Variants in SLC9A1 observed in about 807,000 individuals in gnomAD.
SLC9A1 encodes the protein sodium/hydrogen exchanger 1.
A neutral mutation model predicts 67.9 loss-of-function variants in SLC9A1; 22 were observed. The observed-to-expected ratio is 0.32, with a 90% CI of 0.23 to 0.46. The LOEUF is 0.46. Ranked by LOEUF, SLC9A1 falls within the 20% of genes least tolerant of loss-of-function variation. The pLI is 1.00. For synonymous variants in SLC9A1, 421 were observed against 471.8 expected (o/e 0.89, Z 1.40); for missense variants, 686 against 1,094.8 (o/e 0.63, Z 5.27).
intron 1 of SLC9A1, among the ~76,000 whole-genome samples, chr1:27,123,049 A>G (rs1485767768): frequency 6.6e-6 from 1 of 152,174 alleles, no homozygotes; most frequent in Non-Finnish European, 1.5e-5. Context: ...GGGCAGGGGT[A>G]GGACCTCAAG....
chr1:27,107,181 A>ACACC (rs1324728693), intron 4 of SLC9A1, among the ~76,000 whole-genome samples: 1 of 1,036 alleles, frequency 9.7e-4, no homozygotes, highest in Non-Finnish European at 1.8e-3. Context: ...CCACACCCTC[A>ACACC]CAGCCCCTCC....
rs202060037 is a variant in SLC9A1 at position 27,102,480 on chromosome 1, G to C, written c.1725C>G (p.Ala575=). ...GERSKEPQLI[A]FYHKMEMKQA... ...GCTTCATCTCCATCTTGTGGTAGAA[G>C]GCAATGAGCTGGGGCTCCTTGGAGC... is the stretch of plus-strand genomic sequence containing the variant. The change falls in exon 8 of 12, where the codon GCC becomes GCG. Residue 575 remains alanine, a synonymous_variant. Coordinates refer to ENST00000263980, the MANE Select transcript of SLC9A1 (RefSeq NM_003047.5). 301 of 1,611,388 alleles carry C rather than the reference G, an allele frequency of 1.9e-4. 3 individuals are homozygous for C. The highest frequency in any genetic ancestry group is 7.0e-5 in the Non-Finnish European group (82 of 1,178,158).
At chr1:27,123,528 A>T (rs1361493574) in intron 1 of SLC9A1, among the ~76,000 whole-genome samples, 2 of 151,342 alleles carry the variant, frequency 1.3e-5, no homozygotes, top group African/African-American at 4.9e-5. Context: ...TTTTAGACAG[A>T]GTCTCGCTCT....
At position 27,106,678 on chromosome 1, in the gene SLC9A1, G is replaced by A. The variant is rs986070692; in HGVS notation, c.1283-591C>T. Among the ~76,000 whole-genome samples, 2 of 152,072 alleles carry A rather than the reference G, an allele frequency of 1.3e-5. No homozygotes were observed. The highest frequency in any genetic ancestry group is 4.8e-5 in the African/African-American group (2 of 41,374). On this transcript the variant is annotated intron_variant, in intron 4 of 11. Coordinates refer to ENST00000263980, the MANE Select transcript of SLC9A1 (RefSeq NM_003047.5). This position sits in a 1 kb window ranked among gnomAD's most constrained non-coding sequence, Gnocchi z 4.3. ...ACTGAGGCACTGGGGTGAGGCATGTGGGGCACATGTGAGTGGAACCCATGC... is the reference window on the plus strand; with the variant it reads ...ACTGAGGCACTGGGGTGAGGCATGTAGGGCACATGTGAGTGGAACCCATGC...
In SLC9A1 at chr1:27,108,872, C is replaced by T. The variant is rs545453106; in HGVS notation, c.1064+655G>A. On this transcript the variant is annotated intron_variant, in intron 3 of 11. Transcript: ENST00000263980. ...GTCTCCTGGGTTCATTCCCCTCAAG[C>T]GTGGCATCTGCCATTACACAGGGGT... Among the ~76,000 whole-genome samples the T allele has an allele frequency of 1.4e-4, 21 of 152,268 alleles. No homozygotes were observed. The South Asian group carries it at 3.7e-3, about 27-fold the overall frequency.
Position 27,118,564 on chromosome 1 carries a change from C to G in SLC9A1, c.353-4278G>C, listed in dbSNP as rs2083286173. ...GGGGCACAGAAGGATGGCTGCGGCC[C>G]CTGGTACCCTGACAAAAGCCCTGCA... On this transcript the variant is annotated intron_variant, in intron 1 of 11. Coordinates refer to ENST00000263980, the MANE Select transcript of SLC9A1 (RefSeq NM_003047.5). The surrounding 1 kb of genome is among the most constrained non-coding windows in gnomAD (Gnocchi z 4.3). 6.6e-6 allele frequency among the ~76,000 whole-genome samples: 1 copy of G among 152,146 alleles called. No individual in the cohort carries two copies. Among genetic ancestry groups the G allele is most frequent in the Non-Finnish European group, 1.5e-5 (1 of 68,020 alleles).
intron 1 of SLC9A1, among the ~76,000 whole-genome samples, chr1:27,133,226 C>T (rs2083397820): frequency 6.6e-6 from 1 of 152,112 alleles, no homozygotes; most frequent in Non-Finnish European, 1.5e-5. Flanking sequence ...CACCACCACG[C>T]CCGGCTAATT....
At chr1:27,147,997 A>G (rs1300796899) in intron 1 of SLC9A1, among the ~76,000 whole-genome samples, 2 of 149,106 alleles carry the variant, frequency 1.3e-5, no homozygotes, top group African/African-American at 2.4e-5. Context: ...TCTTGTATCA[A>G]AAAAAAAAAG....
intron 1 of SLC9A1, among the ~76,000 whole-genome samples, chr1:27,147,899 CAGG>C (rs1308426557): frequency 6.6e-6 from 1 of 151,646 alleles, no homozygotes; most frequent in Non-Finnish European, 1.5e-5. Context: ...GAGGCTGAGG[CAGG>C]AGAATTGCTT....
At chr1:27,145,576 T>G (rs2083480070) in intron 1 of SLC9A1, among the ~76,000 whole-genome samples, 1 of 152,214 alleles carries the variant, frequency 6.6e-6, no homozygotes, top group South Asian at 2.1e-4. Flanking sequence ...CTCCTCCGCC[T>G]TCTGTGGCCT....
chr1:27,103,433 C>T lies in SLC9A1; in HGVS notation c.1486-121G>A, dbSNP rs1389304476. 15 of 765,142 alleles carry T rather than the reference C, an allele frequency of 2.0e-5. No individual in the cohort carries two copies. In the Admixed American group the frequency reaches 2.8e-4, roughly 14 times the overall value. 47.4% of individuals were successfully genotyped at this position (765,142 alleles called of 1,614,324 possible). A position where few individuals can be genotyped will look rare whatever the true frequency, so the allele number is the denominator to read the frequency against. ...ATGCCCTCTCTGCTCTGCTCTCTCC[C>T]AGGACCCAAGGGTGTGAGAACTCTC... is the stretch of plus-strand genomic sequence containing the variant. On this transcript the variant is annotated intron_variant, in intron 5 of 11. Transcript: ENST00000263980.
intron 5 of SLC9A1, chr1:27,104,027 T>G (rs890780578): frequency 6.6e-6 from 1 of 152,040 alleles, no homozygotes; most frequent in African/African-American, 2.4e-5. Flanking sequence ...AAAAAAAATT[T>G]TTTGAAGATG....
rs761129553 is a variant in SLC9A1 at position 27,113,885 on chromosome 1, T to C, written c.754A>G (p.Asn252Asp). The C allele has an allele frequency of 8.2e-5, 133 of 1,613,954 alleles. No homozygotes were observed. The highest frequency in any genetic ancestry group is 1.1e-4 in the Non-Finnish European group (130 of 1,180,018). The change falls in exon 2 of 12, where the codon AAT (asparagine) becomes GAT (aspartate). Residue 252 changes from asparagine to aspartate, a missense_variant. Transcript: ENST00000263980. Reference protein sequence around the residue: ...VLAVFEEIHINELLHILVFGE... With the variant: ...VLAVFEEIHIDELLHILVFGE... ...AAAACAAGGATGTGCAGCAGCTCAT[T>C]GATGTGAATTTCCTCAAAGACAGCC...
rs1419012299 is a variant in SLC9A1 at position 27,101,092 on chromosome 1, C to T, written c.2110+111G>A. ...GCTTGGGAGGGGATCCTGAGGTCAG[C>T]GAGGGCCAGGCCTGTCCTCCCAGTG... On this transcript the variant is annotated intron_variant, in intron 11 of 11. Coordinates refer to ENST00000263980, the MANE Select transcript of SLC9A1 (RefSeq NM_003047.5). The surrounding 1 kb of genome is among the most constrained non-coding windows in gnomAD (Gnocchi z 4.9). 1.0e-5 allele frequency: 8 copies of T among 790,594 alleles called. No individual in the cohort carries two copies. Among genetic ancestry groups the T allele is most frequent in the South Asian group, 6.6e-5 (4 of 60,900 alleles). The allele number at this position is 790,594 out of a possible 1,614,324, so 49.0% of individuals were successfully genotyped here. A position where few individuals can be genotyped will look rare whatever the true frequency, so the allele number is the denominator to read the frequency against.
rs1174020858 is a variant in SLC9A1, at chr1:27,114,690, C to T, written c.353-404G>A. Among the ~76,000 whole-genome samples the T allele has an allele frequency of 6.6e-6, 1 of 152,154 alleles. No homozygotes were observed. The highest frequency in any genetic ancestry group is 2.4e-5 in the African/African-American group (1 of 41,412). On this transcript the variant is annotated intron_variant, in intron 1 of 11. Coordinates refer to ENST00000263980, the MANE Select transcript of SLC9A1 (RefSeq NM_003047.5). The surrounding 1 kb of genome is among the most constrained non-coding windows in gnomAD (Gnocchi z 5.4). ...CAAGGCATTATTCCAGGCACAAGTT[C>T]AGGGAGGCAGATCTGAGCTCAACCT...
At chr1:27,111,899 C>T (rs1226377147) in intron 2 of SLC9A1, among the ~76,000 whole-genome samples, 1 of 152,184 alleles carries the variant, frequency 6.6e-6, no homozygotes, top group Non-Finnish European at 1.5e-5. Flanking sequence ...CTGCCACTGC[C>T]TTTGGGAGAC....
rs1360332635 is a variant in SLC9A1, at chr1:27,099,183, C to G, written c.*1124G>C. 1 of 152,800 alleles carries G rather than the reference C, an allele frequency of 6.5e-6. No individual in the cohort carries two copies. The highest frequency in any genetic ancestry group is 1.5e-5 in the Non-Finnish European group (1 of 68,312). The allele number at this position is 152,800 out of a possible 1,614,324, so 9.5% of individuals were successfully genotyped here. ...TCCCCCCCACCGCCTCCACAATGGG[C>G]TCCACAGCAGGCAGGGTGTGGTACA... On this transcript the variant is annotated 3_prime_UTR_variant, in exon 12 of 12. Coordinates refer to ENST00000263980, the MANE Select transcript of SLC9A1 (RefSeq NM_003047.5).
rs1258128821 is a variant in SLC9A1 at position 27,101,191 on chromosome 1, C to A, written c.2110+12G>T. On this transcript the variant is annotated intron_variant, in intron 11 of 11. Transcript: ENST00000263980. This position sits in a 1 kb window ranked among gnomAD's most constrained non-coding sequence, Gnocchi z 4.9. ...GAGTGCCCAGTCCTGAGGCCCCTCG[C>A]CAGGCCCTTACCTGAGCCGATGCGG... 1.2e-6 allele frequency: 2 copies of A among 1,606,774 alleles called. No individual in the cohort carries two copies. Among genetic ancestry groups the A allele is most frequent in the African/African-American group, 1.3e-5 (1 of 74,906 alleles).
Position 27,105,829 on chromosome 1 carries a change from G to T in SLC9A1, c.1485+56C>A, listed in dbSNP as rs554541968. ...ATCACACGCTTTCCTCTCTTTCCACGGGAACAGCCTGTGAGGGTCCCCAAG... is the reference window on the plus strand; with the variant it reads ...ATCACACGCTTTCCTCTCTTTCCACTGGAACAGCCTGTGAGGGTCCCCAAG... On this transcript the variant is annotated intron_variant, in intron 5 of 11. Coordinates refer to ENST00000263980, the MANE Select transcript of SLC9A1 (RefSeq NM_003047.5). 12 of 1,438,254 alleles carry T rather than the reference G, an allele frequency of 8.3e-6. No homozygotes were observed. The South Asian group carries it at 1.1e-4, about 14-fold the overall frequency. 89.1% of individuals were successfully genotyped at this position (1,438,254 alleles called of 1,614,324 possible).
Sources: gnomAD v4.1 joint callset for allele counts (sites outside exome capture counted in the v4.1 genomes callset) on GRCh38, gnomAD v4.1.1 for gene constraint, Gnocchi (gnomAD v3.1) non-coding constraint, MANE v1.5 for transcripts, NCBI Gene and HGNC (gene_info 2026-07-23, HGNC 2026-07-21) for gene names.